MTRF1: variants seen among roughly 807,000 people sequenced by gnomAD.
MTRF1 encodes the protein peptide chain release factor 1, mitochondrial.
MTRF1 carries 51 observed loss-of-function variants against 62.9 expected under a neutral mutation model. That is an observed-to-expected ratio of 0.81 (90% CI 0.65 to 1.02). The LOEUF is 1.02. MTRF1 is among the 50% of genes least tolerant of loss of function. The pLI, the probability that MTRF1 is intolerant of heterozygous loss-of-function variation, is 0.00. For synonymous variants in MTRF1, 158 were observed against 181.9 expected (o/e 0.87, Z 1.06); for missense variants, 446 against 530.0 (o/e 0.84, Z 1.56).
At chr13:41,244,512 C>A (rs1406218133) in intron 5 of MTRF1, among the ~76,000 whole-genome samples, 1 of 152,116 alleles carries the variant, frequency 6.6e-6, no homozygotes, top group Non-Finnish European at 1.5e-5. Context: ...CAAGGGTGGC[C>A]CCCCAGGATC....
chr13:41,290,560 A>G, the MTRF1 span, among the ~76,000 whole-genome samples: 1 of 140,046 alleles, frequency 7.1e-6, no homozygotes, highest in Non-Finnish European at 1.5e-5. Flanking sequence ...GTGCCCAGCT[A>G]ATTTTTGTAT....
the MTRF1 span, among the ~76,000 whole-genome samples, chr13:41,273,687 A>AT: frequency 1.3e-5 from 2 of 152,178 alleles, no homozygotes; most frequent in South Asian, 4.2e-4. Flanking sequence ...AAAATACAAA[A>AT]TTAGCTGAGC....
At chr13:41,264,366 C>G (rs1389302888), upstream of MTRF1, among the ~76,000 whole-genome samples, 3 of 152,156 alleles carry the variant, frequency 2.0e-5, no homozygotes, top group African/African-American at 4.8e-5. Flanking sequence ...AATGAAAACT[C>G]CAGTTAATAA....
At chr13:41,298,982 C>G in the MTRF1 span, among the ~76,000 whole-genome samples, 1 of 152,124 alleles carries the variant, frequency 6.6e-6, no homozygotes, top group African/African-American at 2.4e-5. Flanking sequence ...GAGTTTGAGA[C>G]CAGCCTGGCC....
At chr13:41,288,024 G>T in the MTRF1 span, 1 of 369,594 alleles carries the variant, frequency 2.7e-6, no homozygotes, top group South Asian at 2.2e-5. Flanking sequence ...CTGCATTTCA[G>T]GATGCCACTC....
intron 5 of MTRF1, among the ~76,000 whole-genome samples, chr13:41,251,982 C>T (rs1593965811): frequency 6.6e-6 from 1 of 151,916 alleles, no homozygotes; most frequent in African/African-American, 2.4e-5. Context: ...CGGGTTCAAG[C>T]GATTCTCCTG....
chr13:41,298,410 G>A, the MTRF1 span, among the ~76,000 whole-genome samples: 1 of 1,226 alleles, frequency 8.2e-4, no homozygotes, highest in Non-Finnish European at 2.0e-3. Flanking sequence ...CTCTCATAGT[G>A]TAACATTACA....
At chr13:41,254,846 TTG>T (rs534074118) in intron 2 of MTRF1, among the ~76,000 whole-genome samples, 252 of 152,190 alleles carry the variant, frequency 1.7e-3, no homozygotes, top group Middle Eastern at 6.8e-3. Context: ...TCCCAAAACC[TTG>T]TGTTTTTTTT....
At chr13:41,237,514 T>A (rs887712889) in intron 6 of MTRF1, among the ~76,000 whole-genome samples, 1 of 152,084 alleles carries the variant, frequency 6.6e-6, no homozygotes, top group African/African-American at 2.4e-5. Context: ...CTTTTTTTTT[T>A]GAAACAGAGT....
intron 9 of MTRF1, among the ~76,000 whole-genome samples, chr13:41,220,906 C>T (rs1208199585): frequency 1.3e-5 from 2 of 152,152 alleles, no homozygotes; most frequent in Non-Finnish European, 2.9e-5. Context: ...GTGTCCACTC[C>T]AAACAAATCC....
At chr13:41,273,190 G>A in the MTRF1 span, among the ~76,000 whole-genome samples, 2 of 152,078 alleles carry the variant, frequency 1.3e-5, no homozygotes, top group African/African-American at 4.8e-5. Flanking sequence ...GCTGGGCGTG[G>A]TGGTGGGCGC....
the MTRF1 span, among the ~76,000 whole-genome samples, chr13:41,298,334 T>C: frequency 6.6e-6 from 1 of 152,300 alleles, no homozygotes; most frequent in African/African-American, 2.4e-5. Context: ...CTTCGTCTTA[T>C]CCATTTACGA....
At chr13:41,234,372 T>C (rs1380287151) in intron 6 of MTRF1, among the ~76,000 whole-genome samples, 1 of 152,072 alleles carries the variant, frequency 6.6e-6, no homozygotes, top group East Asian at 1.9e-4. Context: ...ACAGATGGGG[T>C]CTTGCTATTT....
intron 6 of MTRF1, among the ~76,000 whole-genome samples, chr13:41,234,909 G>A (rs1157430579): frequency 1.3e-5 from 2 of 152,128 alleles, no homozygotes; most frequent in African/African-American, 4.8e-5. Context: ...TTTGGACTGG[G>A]TTTGAATCTG....
chr13:41,224,834 C>T (rs934357872), intron 8 of MTRF1, among the ~76,000 whole-genome samples: 6 of 152,170 alleles, frequency 3.9e-5, no homozygotes, highest in South Asian at 2.1e-4. Flanking sequence ...GAGGCAGTGA[C>T]GTCTTTTTTG....
chr13:41,233,907 A>G lies in MTRF1; in HGVS notation c.971T>C (p.Leu324Pro). 2 of 1,613,722 alleles carry G rather than the reference A, an allele frequency of 1.2e-6. No individual in the cohort carries two copies. The highest frequency in any genetic ancestry group is 1.7e-6 in the Non-Finnish European group (2 of 1,179,588). ...HVNKTDSAVR[L>P]VHIPTGLVVE... ...TTGCTTACCTGTGGGGATGTGGACA[A>G]GTCTGACGGCACTATCAGTTTTATT... Residue 324 changes from leucine (L) to proline (P), a missense_variant, in exon 7 of 10, where the codon CTT becomes CCT. Coordinates refer to ENST00000379480, the MANE Select transcript of MTRF1 (RefSeq NM_004294.4).
intron 5 of MTRF1, among the ~76,000 whole-genome samples, chr13:41,243,252 T>A (rs926718241): frequency 6.6e-6 from 1 of 150,630 alleles, no homozygotes; most frequent in East Asian, 2.0e-4. Context: ...AAAATAAAAA[T>A]AAAAAAATTA....
the MTRF1 span, among the ~76,000 whole-genome samples, chr13:41,304,577 G>A: frequency 6.6e-6 from 1 of 152,220 alleles, no homozygotes; most frequent in Non-Finnish European, 1.5e-5. Context: ...AAATAGGGGA[G>A]ACACAGCCTT....
intron 7 of MTRF1, chr13:41,229,244 G>A (rs2035064287): frequency 6.6e-6 from 1 of 152,194 alleles, no homozygotes; most frequent in East Asian, 1.9e-4. Context: ...GGGATATAGA[G>A]TGGTATTTCG....
Sources: gnomAD v4.1 joint callset for allele counts (sites outside exome capture counted in the v4.1 genomes callset) on GRCh38, gnomAD v4.1.1 for gene constraint, MANE v1.5 for transcripts, NCBI Gene and HGNC (gene_info 2026-07-23, HGNC 2026-07-21) for gene names.